CTNNA2: variants seen among roughly 807,000 people sequenced by gnomAD.
The protein encoded by CTNNA2 is catenin alpha-2.
In CTNNA2, 42 loss-of-function variants were observed where a neutral mutation model predicts 101.0. The observed-to-expected ratio is 0.42, with a 90% confidence interval of 0.32 to 0.54. The LOEUF is 0.54. Among genes scored for constraint, CTNNA2 ranks in the 20% least tolerant of loss-of-function variants. CTNNA2 has a pLI of 0.14. For synonymous variants in CTNNA2, 450 were observed against 456.4 expected, an observed-to-expected ratio of 0.99 and a Z score of 0.18; for missense variants, 871 against 1,223.1, an observed-to-expected ratio of 0.71 and a Z score of 4.29.
At chr2:79,481,553 G>A (rs1671110781) in intron 4 of CTNNA2, among the ~76,000 whole-genome samples, 1 of 152,096 alleles carries the variant, frequency 6.6e-6, no homozygotes, top group Admixed American at 6.6e-5. Context: ...ATCTTAGTAA[G>A]TGTTCTTAAC....
rs543340386 is a variant in CTNNA2, at chr2:80,283,598, G to T, written c.1057-109613G>T. ...CAGTGAGTATTGCTTGATAGGCTAG[G>T]GACTTACCCATTTTTCTGGCATTAT... On this transcript the variant is annotated intron_variant, in intron 7 of 18. Transcript: ENST00000402739. 3.9e-5 allele frequency among the ~76,000 whole-genome samples: 6 copies of T among 152,204 alleles called. No homozygotes were observed. The South Asian group carries it at 1.2e-3, about 32-fold the overall frequency.
intron 7 of CTNNA2, among the ~76,000 whole-genome samples, chr2:80,239,667 T>A (rs2149088767): frequency 6.6e-6 from 1 of 152,140 alleles, no homozygotes; most frequent in African/African-American, 2.4e-5. Context: ...ATCCCAGCAC[T>A]TTGGGAGGCT....
intron 4 of CTNNA2, among the ~76,000 whole-genome samples, chr2:79,393,522 C>T (rs889199558): frequency 6.6e-6 from 1 of 151,104 alleles, no homozygotes; most frequent in African/African-American, 2.4e-5. Context: ...TATTTACCAT[C>T]TGGCCCTTTG....
At chr2:80,506,455 G>T (rs868309602) in intron 9 of CTNNA2, among the ~76,000 whole-genome samples, 10 of 152,114 alleles carry the variant, frequency 6.6e-5, no homozygotes, top group African/African-American at 2.4e-4. Flanking sequence ...GGGAGTGTAA[G>T]GGAGGTCAGG....
intron 13 of CTNNA2, chr2:80,575,411 CTT>C (rs1367129353): frequency 6.6e-6 from 1 of 152,098 alleles, no homozygotes; most frequent in African/African-American, 2.4e-5. Context: ...CTTTCTCTCT[CTT>C]TCTTTCTGGG....
intron 8 of CTNNA2, among the ~76,000 whole-genome samples, chr2:80,395,084 C>G (rs1282005693): frequency 6.6e-6 from 1 of 152,000 alleles, no homozygotes; most frequent in African/African-American, 2.4e-5. Context: ...AATTTTTACT[C>G]TTATGTTACA....
chr2:79,582,509 T>TA (rs1442418750), intron 1 of CTNNA2, among the ~76,000 whole-genome samples: 1 of 152,190 alleles, frequency 6.6e-6, no homozygotes, highest in African/African-American at 2.4e-5. Flanking sequence ...ATGGATCTCT[T>TA]AAAAATATGG....
At chr2:80,167,931 C>A (rs531659989) in intron 7 of CTNNA2, among the ~76,000 whole-genome samples, 7 of 152,146 alleles carry the variant, frequency 4.6e-5, no homozygotes, top group Non-Finnish European at 7.3e-5. Flanking sequence ...AGGGGCTCTG[C>A]GGCTGTTTGT....
Position 79,968,120 on chromosome 2 carries a change from A to T in CTNNA2, c.1056+58323A>T, listed in dbSNP as rs182590206. 9.2e-3 allele frequency among the ~76,000 whole-genome samples: 1,399 copies of T among 152,222 alleles called. 15 individuals carry two copies. Among genetic ancestry groups the T allele is most frequent in the Middle Eastern group, 0.021 (6 of 292 alleles). On this transcript the variant is annotated intron_variant, in intron 7 of 18. Transcript: ENST00000402739. ...AGTGATGGCAATGTTTTCACACTAG[A>T]TAGAAGTGGTGGTTGCACAAAATTG...
chr2:79,746,354 G>A (rs529010026), intron 3 of CTNNA2, among the ~76,000 whole-genome samples: 1 of 152,142 alleles, frequency 6.6e-6, no homozygotes, highest in African/African-American at 2.4e-5. Flanking sequence ...CATTCTGTAG[G>A]TTGCCTTTTC....
intron 2 of CTNNA2, among the ~76,000 whole-genome samples, chr2:79,275,243 A>C (rs971342057): frequency 9.9e-5 from 15 of 152,078 alleles, no homozygotes; most frequent in Non-Finnish European, 1.9e-4. Context: ...CAAAAGAGGT[A>C]ACTGGAGTTT....
rs1160714679 is a variant in CTNNA2, at chr2:79,231,927, A to G, written c.-406+33851A>G. On this transcript the variant is annotated intron_variant, in intron 2 of 21. Transcript: ENST00000466387. ...GATCTTGTATCCTAAAACTTTACCA[A>G]ATTTGTTTATTAGTTCCAGGAGCCT... Among the ~76,000 whole-genome samples, 5 of 151,960 alleles carry G rather than the reference A, an allele frequency of 3.3e-5. No individual in the cohort carries two copies. The South Asian group carries it at 1.0e-3, about 32-fold the overall frequency.
intron 2 of CTNNA2, among the ~76,000 whole-genome samples, chr2:79,723,495 T>C (rs186165857): frequency 6.6e-6 from 1 of 152,340 alleles, no homozygotes; most frequent in African/African-American, 2.4e-5. Context: ...TACCTCTTCA[T>C]GAGCTACATC....
At chr2:79,311,164 C>T (rs1231215952) in intron 2 of CTNNA2, among the ~76,000 whole-genome samples, 1 of 152,168 alleles carries the variant, frequency 6.6e-6, no homozygotes, top group Non-Finnish European at 1.5e-5. Flanking sequence ...AATCCCAGCA[C>T]TTTGGGAGGC....
intron 4 of CTNNA2, among the ~76,000 whole-genome samples, chr2:79,484,326 C>A (rs527298111): frequency 1.3e-5 from 2 of 152,134 alleles, no homozygotes; most frequent in East Asian, 1.9e-4. Flanking sequence ...GCTGATATAG[C>A]TTTCATGAGC....
intron 17 of CTNNA2, among the ~76,000 whole-genome samples, chr2:80,608,954 A>G (rs1009979291): frequency 6.6e-6 from 1 of 151,866 alleles, no homozygotes; most frequent in Non-Finnish European, 1.5e-5. Context: ...AATGCATAGA[A>G]ATAAGTTCAA....
At chr2:80,251,356 T>A (rs1041387701) in intron 7 of CTNNA2, among the ~76,000 whole-genome samples, 1 of 152,168 alleles carries the variant, frequency 6.6e-6, no homozygotes, top group African/African-American at 2.4e-5. Context: ...AAATAATCAG[T>A]CTTGACATTC....
chr2:80,110,860 G>A (rs563845636), intron 7 of CTNNA2, among the ~76,000 whole-genome samples: 2 of 152,148 alleles, frequency 1.3e-5, no homozygotes, highest in Non-Finnish European at 2.9e-5. Context: ...GAGGAGGATT[G>A]TATTAGTCCA....
Position 80,058,431 on chromosome 2 carries a change from A to G in CTNNA2, c.1056+148634A>G, listed in dbSNP as rs17018578. Among the ~76,000 whole-genome samples, 1,208 of 152,276 alleles carry G rather than the reference A, an allele frequency of 7.9e-3. 15 individuals carry two copies. The highest frequency in any genetic ancestry group is 0.028 in the African/African-American group (1,152 of 41,556). Reference sequence around the variant, plus strand: ...CTTTTTGATCAAGGGCCTTTTATAAACGTTCTGCTATATTGTTTTGATATT... The same window carrying G: ...CTTTTTGATCAAGGGCCTTTTATAAGCGTTCTGCTATATTGTTTTGATATT... On this transcript the variant is annotated intron_variant, in intron 7 of 18. Coordinates refer to ENST00000402739, the MANE Select transcript of CTNNA2 (RefSeq NM_001282597.3).
Sources: gnomAD v4.1 joint callset for allele counts (sites outside exome capture counted in the v4.1 genomes callset) on GRCh38, gnomAD v4.1.1 for gene constraint, MANE v1.5 for transcripts, NCBI Gene and HGNC (gene_info 2026-07-23, HGNC 2026-07-21) for gene names.